The following EPHA3 variants were observed in gnomAD, a reference collection of about 807,000 sequenced individuals.
EPHA3 encodes the protein EPH receptor A3.
A neutral mutation model predicts 107.1 loss-of-function variants in EPHA3; 42 were observed. The observed-to-expected ratio is 0.39, with a 90% CI of 0.31 to 0.51. The LOEUF is 0.51. EPHA3 is among the 20% of genes least tolerant of loss of function. The pLI, the probability that EPHA3 is intolerant of heterozygous loss-of-function variation, is 0.78. For missense variants in EPHA3, 1,183 were observed against 1,211.2 expected (o/e 0.98, Z 0.35); for synonymous variants, 461 against 424.8 (o/e 1.09, Z -1.05).
At chr3:89,459,754 C>A (rs1710183967) in intron 15 of EPHA3, among the ~76,000 whole-genome samples, 1 of 152,234 alleles carries the variant, frequency 6.6e-6, no homozygotes, top group Non-Finnish European at 1.5e-5. Flanking sequence ...AACTCCTGAC[C>A]TCAGGTGATC....
At chr3:89,107,907 G>T (rs1328484348) in intron 1 of EPHA3, 71 bp downstream of exon 1, 31 of 1,477,440 alleles carry the variant, frequency 2.1e-5, no homozygotes, top group Non-Finnish European at 9.4e-6. Context: ...CGTTCTCACC[G>T]AAGCCTTGCA....
At position 89,156,589 on chromosome 3, in the gene EPHA3, G is replaced by A. The variant is rs111842024; in HGVS notation, c.153+29316G>A. Among the ~76,000 whole-genome samples the A allele has an allele frequency of 1.2e-4, 18 of 151,954 alleles. 1 individual carries two copies. The highest frequency in any genetic ancestry group is 4.3e-4 in the African/African-American group (18 of 41,478). On this transcript the variant is annotated intron_variant, in intron 2 of 16. Coordinates refer to ENST00000336596, the MANE Select transcript of EPHA3 (RefSeq NM_005233.6). ...ATCCATTGTTTTTATTCCACTGTTA[G>A]GTAAAACTTAAGGTCCTGGTTTCAA...
chr3:89,241,959 A>G (rs1158845450), intron 3 of EPHA3, among the ~76,000 whole-genome samples: 1 of 152,188 alleles, frequency 6.6e-6, no homozygotes, highest in Non-Finnish European at 1.5e-5. Context: ...GCTTATATTG[A>G]TAGGAAGGTA....
chr3:89,113,485 C>CAAAAAAAAAA (rs753848304), intron 1 of EPHA3, among the ~76,000 whole-genome samples: 1,535 of 31,106 alleles, frequency 0.049, 552 homozygotes, highest in Non-Finnish European at 0.076. Context: ...TTCCTTTGTA[C>CAAAAAAAAAA]AAAAAAAAAA....
chr3:89,219,255 C>T (rs529826655), intron 3 of EPHA3, among the ~76,000 whole-genome samples: 4 of 152,124 alleles, frequency 2.6e-5, no homozygotes, highest in Non-Finnish European at 5.9e-5. Flanking sequence ...CCTCCACCTC[C>T]CAGGTTCAAG....
intron 3 of EPHA3, among the ~76,000 whole-genome samples, chr3:89,296,331 A>G (rs1706352360): frequency 6.6e-6 from 1 of 152,218 alleles, no homozygotes; most frequent in Non-Finnish European, 1.5e-5. Context: ...AGACAATAAG[A>G]CAGGAAAGTC....
At chr3:89,206,115 T>C (rs565564678) in intron 2 of EPHA3, among the ~76,000 whole-genome samples, 10 of 152,278 alleles carry the variant, frequency 6.6e-5, no homozygotes, top group African/African-American at 2.4e-4. Flanking sequence ...CACATCACCA[T>C]CCCTTACAAG....
chr3:89,120,975 C>A (rs573140679), intron 1 of EPHA3, among the ~76,000 whole-genome samples: 4 of 152,182 alleles, frequency 2.6e-5, no homozygotes, highest in African/African-American at 9.7e-5. Flanking sequence ...CACGGTGGCT[C>A]ACACCTGTAA....
intron 2 of EPHA3, among the ~76,000 whole-genome samples, chr3:89,138,938 G>C (rs1439068594): frequency 3.3e-5 from 5 of 151,890 alleles, no homozygotes; most frequent in Middle Eastern, 3.4e-3. Context: ...CAGTGAACAT[G>C]AAAATTATCT....
At chr3:89,239,452 A>C (rs1260850223) in intron 3 of EPHA3, among the ~76,000 whole-genome samples, 1 of 152,112 alleles carries the variant, frequency 6.6e-6, no homozygotes, top group Admixed American at 6.6e-5. Context: ...ATAATAATAA[A>C]TCTTACATCT....
At chr3:89,302,473 T>C (rs1041308437) in intron 3 of EPHA3, among the ~76,000 whole-genome samples, 1 of 152,184 alleles carries the variant, frequency 6.6e-6, no homozygotes, top group Non-Finnish European at 1.5e-5. Context: ...AGTTTGACTC[T>C]ATCCTAAGTC....
At chr3:89,343,320 G>T (rs1707575804) in intron 5 of EPHA3, among the ~76,000 whole-genome samples, 2 of 152,302 alleles carry the variant, frequency 1.3e-5, no homozygotes, top group South Asian at 2.1e-4. Context: ...GACTCTGCTG[G>T]TTGTTAACAT....
At chr3:89,246,216 T>C (rs1037851706) in intron 3 of EPHA3, among the ~76,000 whole-genome samples, 2 of 152,130 alleles carry the variant, frequency 1.3e-5, no homozygotes, top group Admixed American at 1.3e-4. Flanking sequence ...GTGATAAATA[T>C]CACACTTCCA....
rs202222982 is a variant in EPHA3, at chr3:89,480,370, A to T, written c.*868A>T. On this transcript the variant is annotated 3_prime_UTR_variant, in exon 17 of 17. Transcript: ENST00000336596. Reference sequence around the variant, plus strand: ...CCAAATCTCTCAAATCTGTTATCCCAATCATTGTTGCCTCTCCGTTTATTA... The same window carrying T: ...CCAAATCTCTCAAATCTGTTATCCCTATCATTGTTGCCTCTCCGTTTATTA... 2.7e-4 allele frequency: 64 copies of T among 233,276 alleles called. No individual in the cohort carries two copies. In the East Asian group the frequency reaches 3.9e-3, roughly 14 times the overall value. The allele number at this position is 233,276 out of a possible 1,614,324, so 14.5% of individuals were successfully genotyped here. A position where few individuals can be genotyped will look rare whatever the true frequency, so the allele number is the denominator to read the frequency against.
Position 89,438,131 on chromosome 3 carries a change from T to A in EPHA3, c.2346+6772T>A, listed in dbSNP as rs1185729141. Among the ~76,000 whole-genome samples, 12 of 152,126 alleles carry A rather than the reference T, an allele frequency of 7.9e-5. No homozygotes were observed. The East Asian group carries it at 2.1e-3, about 27-fold the overall frequency. On this transcript the variant is annotated intron_variant, in intron 13 of 16. Coordinates refer to ENST00000336596, the MANE Select transcript of EPHA3 (RefSeq NM_005233.6). ...TTGTTTTGTTTTGTTTTTTTTGAGA[T>A]GGAGTCTCACTCTGTCGCCCAGGCT... is the stretch of plus-strand genomic sequence containing the variant.
chr3:89,432,359 C>A (rs1709585708), intron 13 of EPHA3, among the ~76,000 whole-genome samples: 1 of 151,870 alleles, frequency 6.6e-6, no homozygotes, highest in South Asian at 2.1e-4. Context: ...TTTTTGTGAG[C>A]TTTTCTGTTG....
At chr3:89,126,554 G>A (rs1211314645) in intron 1 of EPHA3, among the ~76,000 whole-genome samples, 1 of 151,504 alleles carries the variant, frequency 6.6e-6, no homozygotes, top group Non-Finnish European at 1.5e-5. Context: ...AACCACTAAA[G>A]CCTTTGAGTA....
chr3:89,193,346 C>T (rs1196070823), intron 2 of EPHA3, among the ~76,000 whole-genome samples: 5 of 151,958 alleles, frequency 3.3e-5, no homozygotes, highest in African/African-American at 9.7e-5. Context: ...CAAATGATAG[C>T]GGCCTTGGCA....
At chr3:89,226,441 G>C (rs937231052) in intron 3 of EPHA3, among the ~76,000 whole-genome samples, 8 of 152,040 alleles carry the variant, frequency 5.3e-5, no homozygotes, top group East Asian at 1.9e-4. Flanking sequence ...TTTCCTAAAC[G>C]TTCCAGGAAT....
Sources: allele counts gnomAD v4.1 joint callset (sites outside exome capture counted in the v4.1 genomes callset), GRCh38; gene constraint gnomAD v4.1.1; transcripts MANE v1.5; gene names NCBI Gene and HGNC (gene_info 2026-07-23, HGNC 2026-07-21).